The following CNBD1 variants were observed in gnomAD, a reference collection of about 807,000 sequenced individuals.
CNBD1 encodes cyclic nucleotide binding domain containing 1, also known as cyclic nucleotide-binding domain-containing protein 1.
CNBD1 carries 71 observed loss-of-function variants against 54.4 expected under a neutral mutation model. The ratio of observed to expected loss-of-function variants is 1.30; its 90% CI spans 1.08 to 1.59. The LOEUF is 1.59. CNBD1 is among the 40% of genes most tolerant of loss of function. The pLI is 0.00. For missense variants in CNBD1, 659 were observed against 518.0 expected, an observed-to-expected ratio of 1.27 and a Z score of -2.64; for synonymous variants, 182 against 170.7, an observed-to-expected ratio of 1.07 and a Z score of -0.51.
intron 2 of CNBD1, among the ~76,000 whole-genome samples, chr8:86,896,227 T>C (rs1010988236): frequency 2.0e-5 from 3 of 152,200 alleles, no homozygotes; most frequent in Admixed American, 2.0e-4. Context: ...TTTTTAAAAA[T>C]TATTTTTATG....
chr8:86,984,996 A>T (rs181696498), intron 4 of CNBD1, among the ~76,000 whole-genome samples: 2 of 152,150 alleles, frequency 1.3e-5, no homozygotes, highest in African/African-American at 4.8e-5. Flanking sequence ...TCCCCATCCA[A>T]ATCTCATCTT....
At chr8:87,021,059 G>A (rs1406183761) in intron 4 of CNBD1, among the ~76,000 whole-genome samples, 5 of 152,090 alleles carry the variant, frequency 3.3e-5, no homozygotes, top group Admixed American at 2.0e-4. Context: ...GAGTTGTCCC[G>A]CCTTTCTAAA....
chr8:87,405,318 G>C (rs762778502), intron 2 of CNBD1, among the ~76,000 whole-genome samples: 1 of 151,862 alleles, frequency 6.6e-6, no homozygotes, highest in African/African-American at 2.4e-5. Flanking sequence ...TCACCTTGTG[G>C]ATTAGAAATG....
At chr8:86,991,553 A>C (rs975315291) in intron 4 of CNBD1, among the ~76,000 whole-genome samples, 11 of 152,022 alleles carry the variant, frequency 7.2e-5, no homozygotes, top group African/African-American at 2.7e-4. Flanking sequence ...TTCTTCTGCT[A>C]GCTTTGGAAT....
At chr8:87,262,739 G>C (rs4961018) in intron 6 of CNBD1, among the ~76,000 whole-genome samples, 2 of 152,032 alleles carry the variant, frequency 1.3e-5, no homozygotes, top group East Asian at 3.9e-4. Context: ...AAAATTTACC[G>C]CTTAGGCATC....
intron 10 of CNBD1, among the ~76,000 whole-genome samples, chr8:87,355,711 G>C (rs1161974083): frequency 6.6e-6 from 1 of 152,140 alleles, no homozygotes; most frequent in East Asian, 1.9e-4. Context: ...AGACTAAATT[G>C]AAAGTTGTTC....
intron 4 of CNBD1, among the ~76,000 whole-genome samples, chr8:87,030,842 T>A (rs796119926): frequency 3.7e-5 from 1 of 27,028 alleles, no homozygotes; most frequent in Non-Finnish European, 6.7e-5. Context: ...TTCTCCCCCC[T>A]CCCCTCTCCT....
chr8:87,092,485 A>ATG (rs149583313), intron 4 of CNBD1, among the ~76,000 whole-genome samples: 6,128 of 137,460 alleles, frequency 0.045, 588 homozygotes, highest in African/African-American at 0.17. Context: ...ATATACACAT[A>ATG]TGTGTGTGTG....
intron 8 of CNBD1, among the ~76,000 whole-genome samples, chr8:87,347,157 T>G (rs1397950454): frequency 6.6e-6 from 1 of 152,214 alleles, no homozygotes; most frequent in Non-Finnish European, 1.5e-5. Context: ...CTGTACACTT[T>G]CTTTTTATTA....
At chr8:87,053,352 A>G (rs1810350222) in intron 4 of CNBD1, among the ~76,000 whole-genome samples, 1 of 152,230 alleles carries the variant, frequency 6.6e-6, no homozygotes, top group Non-Finnish European at 1.5e-5. Context: ...GTACAAAAGA[A>G]TATGAGCCAC....
chr8:87,428,643 G>A (rs1209897507), intron 3 of CNBD1: 1 of 447,818 alleles, frequency 2.2e-6, no homozygotes, highest in Non-Finnish European at 4.5e-6. Context: ...TATAATAAAT[G>A]TCACTCTTCA....
intron 5 of CNBD1, among the ~76,000 whole-genome samples, chr8:87,221,182 G>T (rs2130808980): frequency 6.6e-6 from 1 of 152,184 alleles, no homozygotes; most frequent in Admixed American, 6.5e-5. Context: ...TCTATGAGAT[G>T]CTTCTAGTCA....
chr8:86,866,465 C>T lies in CNBD1; in HGVS notation c.-31C>T. ...TGATCATTTGCCTCTCAAGCAGCCT[C>T]TGGTCATCTATCTGCCTTTGAGCCA... On this transcript the variant is annotated 5_prime_UTR_variant, in exon 1 of 11. Coordinates refer to ENST00000518476, the MANE Select transcript of CNBD1 (RefSeq NM_173538.3). The T allele has an allele frequency of 1.3e-6, 2 of 1,558,094 alleles. No individual in the cohort carries two copies. Among genetic ancestry groups the T allele is most frequent in the Non-Finnish European group, 1.8e-6 (2 of 1,136,418 alleles).
intron 4 of CNBD1, among the ~76,000 whole-genome samples, chr8:87,154,317 AG>A (rs1415483130): frequency 1.3e-5 from 2 of 152,222 alleles, no homozygotes; most frequent in Non-Finnish European, 2.9e-5. Flanking sequence ...AGGAAGGTCT[AG>A]AGCCTGAGAA....
intron 10 of CNBD1, among the ~76,000 whole-genome samples, chr8:87,363,176 C>T (rs1021817571): frequency 5.9e-5 from 9 of 152,120 alleles, no homozygotes; most frequent in African/African-American, 1.2e-4. Context: ...CTGCAAAGGA[C>T]ATGAACTCAT....
intron 4 of CNBD1, among the ~76,000 whole-genome samples, chr8:87,005,077 C>T (rs1158562351): frequency 6.7e-6 from 1 of 150,220 alleles, no homozygotes; most frequent in African/African-American, 2.5e-5. Context: ...ATCGTTAAGT[C>T]TTAAATATTG....
intron 4 of CNBD1, among the ~76,000 whole-genome samples, chr8:87,115,350 T>C (rs1048766063): frequency 2.0e-5 from 3 of 152,222 alleles, no homozygotes; most frequent in African/African-American, 7.2e-5. Flanking sequence ...GGAATATATG[T>C]CTAAGCTTGT....
In CNBD1 at chr8:86,966,322, C is replaced by T. The variant is rs149534311; in HGVS notation, c.431+26568C>T. Reference sequence around the variant, plus strand: ...CCCAACTCCCACTCCAAGACTGGAGCGGGTGCTGGTGTGTCCGGAATTGGT... The same window carrying T: ...CCCAACTCCCACTCCAAGACTGGAGTGGGTGCTGGTGTGTCCGGAATTGGT... On this transcript the variant is annotated intron_variant, in intron 4 of 10. Coordinates refer to ENST00000518476, the MANE Select transcript of CNBD1 (RefSeq NM_173538.3). Among the ~76,000 whole-genome samples, 341 of 152,262 alleles carry T rather than the reference C, an allele frequency of 2.2e-3. 3 individuals are homozygous for T. The highest frequency in any genetic ancestry group is 7.6e-3 in the African/African-American group (316 of 41,556).
At chr8:87,380,977 G>T (rs888282126) in intron 10 of CNBD1, among the ~76,000 whole-genome samples, 1 of 151,960 alleles carries the variant, frequency 6.6e-6, no homozygotes, top group Non-Finnish European at 1.5e-5. Flanking sequence ...TTTCACATTT[G>T]TCTTGGCAAT....
Sources: allele counts gnomAD v4.1 joint callset (sites outside exome capture counted in the v4.1 genomes callset), GRCh38; gene constraint gnomAD v4.1.1; transcripts MANE v1.5; gene names NCBI Gene and HGNC (gene_info 2026-07-23, HGNC 2026-07-21).